The following SMYD1 variants were observed in gnomAD, a reference collection of about 807,000 sequenced individuals.
SMYD1 encodes SET and MYND domain containing 1.
SMYD1 carries 49 observed loss-of-function variants against 54.0 expected under a neutral mutation model. The ratio of observed to expected loss-of-function variants is 0.91; its 90% CI spans 0.72 to 1.15. SMYD1 has a LOEUF of 1.15. SMYD1 is among the 50% of genes most tolerant of loss of function. The pLI is 0.00. For missense variants in SMYD1, 653 were observed against 639.6 expected (o/e 1.02, Z -0.23); for synonymous variants, 269 against 234.2 (o/e 1.15, Z -1.36).
rs1675027250 is a variant in SMYD1 at position 88,111,714 on chromosome 2, A to G, written c.*1202A>G. On this transcript the variant is annotated 3_prime_UTR_variant, in exon 10 of 10. Transcript: ENST00000419482. ...CTCCTGGAAGGCTGTTGTGATTTCC[A>G]TCTAAGAAATGAGGGTCTTGAGAAT... 1 of 205,504 alleles carries G rather than the reference A, an allele frequency of 4.9e-6. No homozygotes were observed. 12.7% of individuals were successfully genotyped at this position (205,504 alleles called of 1,614,324 possible).
At chr2:88,071,928 T>C (rs565977667) in intron 1 of SMYD1, among the ~76,000 whole-genome samples, 1 of 151,594 alleles carries the variant, frequency 6.6e-6, no homozygotes, top group Non-Finnish European at 1.5e-5. Context: ...GGGGTCAAAC[T>C]GGGAATTCGC....
chr2:88,106,542 G>C, intron 8 of SMYD1, 54 bp downstream of exon 8: 1 of 1,574,312 alleles, frequency 6.4e-7, no homozygotes, highest in Non-Finnish European at 8.7e-7. Context: ...TGTATTCCAG[G>C]GATGGCAAAT....
chr2:88,089,772 T>C (rs1360223692), intron 3 of SMYD1, among the ~76,000 whole-genome samples: 2 of 151,694 alleles, frequency 1.3e-5, no homozygotes, highest in African/African-American at 4.8e-5. Context: ...TTTTTTTTTT[T>C]ATAGAAGCAG....
chr2:88,071,649 T>C (rs369660721), intron 1 of SMYD1, among the ~76,000 whole-genome samples: 5 of 152,304 alleles, frequency 3.3e-5, no homozygotes, highest in African/African-American at 1.2e-4. Flanking sequence ...CAATGAGAAC[T>C]AGCATTTAAA....
chr2:88,093,142 T>C (rs1206468207), intron 4 of SMYD1, among the ~76,000 whole-genome samples: 1 of 152,188 alleles, frequency 6.6e-6, no homozygotes, highest in African/African-American at 2.4e-5. Flanking sequence ...AAAGAGGCAA[T>C]GTTTATTCAC....
chr2:88,110,613 A>G lies in SMYD1; in HGVS notation c.*101A>G, dbSNP rs1231466624. The G allele has an allele frequency of 7.4e-7, 1 of 1,347,822 alleles. No homozygotes were observed. The highest frequency in any genetic ancestry group is 1.5e-5 in the African/African-American group (1 of 67,336). 83.5% of individuals were successfully genotyped at this position (1,347,822 alleles called of 1,614,324 possible). ...GACCCCTAATGAGGAAGTTGAGGTA[A>G]TGCTTAACATTGTTGCTGTGAGAAT... On this transcript the variant is annotated 3_prime_UTR_variant, in exon 10 of 10. Transcript: ENST00000419482.
intron 1 of SMYD1, among the ~76,000 whole-genome samples, chr2:88,081,895 C>T (rs1047903002): frequency 6.6e-6 from 1 of 152,128 alleles, no homozygotes; most frequent in African/African-American, 2.4e-5. Context: ...CTGTGTTTGG[C>T]CAGGAGACAA....
At chr2:88,104,051 C>A (rs1017813234) in intron 7 of SMYD1, among the ~76,000 whole-genome samples, 2 of 151,500 alleles carry the variant, frequency 1.3e-5, no homozygotes, top group African/African-American at 4.9e-5. Flanking sequence ...ACTGCAAGCT[C>A]TGCCTCCCAG....
In SMYD1 at chr2:88,101,449, T is replaced by C. The variant is rs544931525; in HGVS notation, c.889-1609T>C. ...TGAGTGAAAAAATGCTATAGACAGA[T>C]ATATGGTATAATTCCAGTTAGAAAA... On this transcript the variant is annotated intron_variant, in intron 6 of 9. Coordinates refer to ENST00000419482, the MANE Select transcript of SMYD1 (RefSeq NM_198274.4). Among the ~76,000 whole-genome samples the C allele has an allele frequency of 7.2e-5, 11 of 152,340 alleles. No individual in the cohort carries two copies. In the South Asian group the frequency reaches 2.1e-3, roughly 29 times the overall value.
At chr2:88,098,620 AG>A (rs1283324765) in intron 6 of SMYD1, among the ~76,000 whole-genome samples, 1 of 152,248 alleles carries the variant, frequency 6.6e-6, no homozygotes, top group African/African-American at 2.4e-5. Context: ...CATTAAAAAA[AG>A]GCCATCATAA....
chr2:88,105,764 C>T (rs112082425), intron 7 of SMYD1, among the ~76,000 whole-genome samples: 274 of 152,092 alleles, frequency 1.8e-3, no homozygotes, highest in Non-Finnish European at 3.2e-3. Flanking sequence ...ATGGAGAAAC[C>T]CTGTCTCTAC....
chr2:88,087,427 C>G (rs1674357515), intron 2 of SMYD1, among the ~76,000 whole-genome samples: 1 of 152,168 alleles, frequency 6.6e-6, no homozygotes, highest in Admixed American at 6.5e-5. Context: ...TGTGCTCCAG[C>G]CACCTCTGCC....
In SMYD1 at chr2:88,106,175, A is replaced by G. The variant is rs1310566530; in HGVS notation, c.982-150A>G. 1.9e-5 allele frequency: 20 copies of G among 1,030,528 alleles called. 1 individual carries two copies. In the East Asian group the frequency reaches 5.0e-4, roughly 26 times the overall value. 63.8% of individuals were successfully genotyped at this position (1,030,528 alleles called of 1,614,324 possible). Reference sequence around the variant, plus strand: ...AGCCAACAGGACCACTTTGCAATTCATACCCCAAACCTGTGCTTTCCCACC... The same window carrying G: ...AGCCAACAGGACCACTTTGCAATTCGTACCCCAAACCTGTGCTTTCCCACC... On this transcript the variant is annotated intron_variant, in intron 7 of 9. Transcript: ENST00000419482.
At chr2:88,083,298 C>A (rs1374445362) in intron 1 of SMYD1, 1 of 152,184 alleles carries the variant, frequency 6.6e-6, no homozygotes, top group Non-Finnish European at 1.5e-5. Context: ...AGATTTCTCT[C>A]ACTCTGGATG....
At chr2:88,074,910 T>C (rs1382441754) in intron 1 of SMYD1, among the ~76,000 whole-genome samples, 1 of 152,138 alleles carries the variant, frequency 6.6e-6, no homozygotes, top group Non-Finnish European at 1.5e-5. Flanking sequence ...TGTGAGCATG[T>C]GGGAATGGCA....
chr2:88,108,680 A>G, intron 9 of SMYD1, 141 bp downstream of exon 9: 1 of 757,212 alleles, frequency 1.3e-6, no homozygotes, highest in Non-Finnish European at 2.0e-6. Context: ...GCTTTAGCCC[A>G]CTACCCTTGT....
intron 2 of SMYD1, among the ~76,000 whole-genome samples, chr2:88,085,384 G>GT (rs1309009378): frequency 3.9e-5 from 6 of 152,186 alleles, no homozygotes; most frequent in African/African-American, 1.4e-4. Context: ...TTCCGCTGGG[G>GT]TGGGGCTCAG....
In SMYD1 at chr2:88,103,167, T is replaced by C; in HGVS notation, c.981+17T>C. 6.2e-7 allele frequency: 1 copy of C among 1,606,782 alleles called. No individual in the cohort carries two copies. The highest frequency in any genetic ancestry group is 1.3e-5 in the African/African-American group (1 of 74,644). On this transcript the variant is annotated intron_variant, in intron 7 of 9. Coordinates refer to ENST00000419482, the MANE Select transcript of SMYD1 (RefSeq NM_198274.4). ...TATCATGAGGTAAGAATTCACTTGT[T>C]ATAGAGGATGGGGGTAGAAAGGAGG...
chr2:88,097,000 C>T (rs1674605616), intron 6 of SMYD1, among the ~76,000 whole-genome samples: 1 of 152,184 alleles, frequency 6.6e-6, no homozygotes. Context: ...TTGGGGAAGT[C>T]ACCCAGTTTT....
Sources: allele counts gnomAD v4.1 joint callset (sites outside exome capture counted in the v4.1 genomes callset), GRCh38; gene constraint gnomAD v4.1.1; transcripts MANE v1.5; gene names NCBI Gene and HGNC (gene_info 2026-07-23, HGNC 2026-07-21).